Variants in FANCA observed in about 807,000 individuals in gnomAD.
FANCA encodes the protein Fanconi anemia group A protein.
FANCA carries 236 observed loss-of-function variants against 194.3 expected under a neutral mutation model. The observed-to-expected ratio is 1.21, with a 90% CI of 1.09 to 1.35. The LOEUF is 1.35. Among genes scored for constraint, FANCA ranks in the 40% most tolerant of loss-of-function variants. The pLI, the probability that FANCA is intolerant of heterozygous loss-of-function variation, is 0.00. For missense variants in FANCA, 2,628 were observed against 1,813.9 expected, an observed-to-expected ratio of 1.45 and a Z score of -8.15; for synonymous variants, 1,014 against 715.8, an observed-to-expected ratio of 1.42 and a Z score of -6.65.
At chr16:89,805,155 A>G (rs1000641480) in intron 7 of FANCA, 125 bp downstream of exon 7, 11 of 741,554 alleles carry the variant, frequency 1.5e-5, no homozygotes, top group African/African-American at 1.0e-4. Flanking sequence ...GGAGTCTGTC[A>G]TGCCAGGTTC....
In FANCA at chr16:89,782,865, A is replaced by C; in HGVS notation, c.1620T>G (p.Ile540Met). Residue 540 changes from isoleucine to methionine, a missense_variant, in exon 17 of 43, where the codon ATT becomes ATG. Ile to Met is a conservative substitution (Grantham distance 10, BLOSUM62 1). Coordinates refer to ENST00000389301, the MANE Select transcript of FANCA (RefSeq NM_000135.4). The stretch of plus-strand genomic sequence containing the variant: ...AGGGCTCAAGCAACATTACCTCAGT[A>C]ATGTCCCCAGCTGATGACAAATCCT... The part of the protein sequence containing the change: ...LYEDLSSAGD[I>M]TEPHSQALQD... 5 of 1,613,822 alleles carry C rather than the reference A, an allele frequency of 3.1e-6. 1 individual carries two copies. The South Asian group carries it at 3.3e-5, about 11-fold the overall frequency.
Position 89,749,870 on chromosome 16 carries a change from G to T in FANCA, c.3099C>A (p.Asp1033Glu), listed in dbSNP as rs139289675. Residue 1033 changes from aspartate (D) to glutamate (E), a missense_variant, in exon 32 of 43, where the codon GAC (aspartate) becomes GAA (glutamate). Physicochemically the swap from Asp to Glu is conservative, Grantham distance 45. Coordinates refer to ENST00000389301, the MANE Select transcript of FANCA (RefSeq NM_000135.4). ...GGGTGTGGCCGAGAGGCACTATGAG[G>T]TCTTGCTGCAGCTCCAGGTCAGCTA... ...EMVADLELQQ[D>E]LIVPLGHTPS... The T allele has an allele frequency of 1.2e-4, 198 of 1,614,220 alleles. 1 individual carries two copies. Among genetic ancestry groups the T allele is most frequent in the Middle Eastern group, 8.3e-4 (5 of 6,058 alleles).
chr16:89,799,155 C>T lies in FANCA; in HGVS notation c.893+11G>A, dbSNP rs201251161. ...GCTGCACACTCAGGCAGGCCACCCT[C>T]AGGAACATACCAGCACCTCACGATC... On this transcript the variant is annotated intron_variant, in intron 10 of 42. Transcript: ENST00000389301. 1.2e-6 allele frequency: 2 copies of T among 1,614,102 alleles called. No individual in the cohort carries two copies. The highest frequency in any genetic ancestry group is 1.7e-6 in the Non-Finnish European group (2 of 1,180,060).
rs147291147 is a variant in FANCA at position 89,814,162 on chromosome 16, G to T, written c.283+358C>A. On this transcript the variant is annotated intron_variant, in intron 3 of 42. Coordinates refer to ENST00000389301, the MANE Select transcript of FANCA (RefSeq NM_000135.4). ...TCCCACTCTCAAACTGGGGGGAGAA[G>T]GAGGTACCTAGAAAATTGTTCTCCC... Among the ~76,000 whole-genome samples the T allele has an allele frequency of 2.8e-3, 421 of 152,272 alleles. 1 individual carries two copies. The highest frequency in any genetic ancestry group is 9.8e-3 in the African/African-American group (409 of 41,556).
chr16:89,808,254 C>A (rs774070218), intron 6 of FANCA, 40 bp downstream of exon 6: 3 of 1,585,448 alleles, frequency 1.9e-6, no homozygotes, highest in East Asian at 4.5e-5. Context: ...CTAGACTAGA[C>A]TGCAAAAACA....
At chr16:89,808,157 A>G (rs2040735648) in intron 6 of FANCA, 137 bp downstream of exon 6, 8 of 789,672 alleles carry the variant, frequency 1.0e-5, no homozygotes, top group Non-Finnish European at 1.8e-5. Context: ...TAGTATAAAT[A>G]TGCAATGCAA....
intron 2 of FANCA, among the ~76,000 whole-genome samples, chr16:89,814,948 AT>A (rs1458522491): frequency 7.9e-5 from 12 of 152,222 alleles, no homozygotes; most frequent in African/African-American, 2.2e-4. Context: ...CTCAAAAAAA[AT>A]AAATGAAAAT....
At chr16:89,749,390 A>AT (rs909155994) in intron 32 of FANCA, among the ~76,000 whole-genome samples, 36 of 151,714 alleles carry the variant, frequency 2.4e-4, no homozygotes, top group African/African-American at 8.2e-4. Context: ...ATTTTTTTGT[A>AT]TTTTTTTTGT....
chr16:89,811,421 C>T (rs563517546), intron 3 of FANCA, among the ~76,000 whole-genome samples: 15 of 152,218 alleles, frequency 9.9e-5, no homozygotes, highest in Non-Finnish European at 1.9e-4. Flanking sequence ...CAGGCTCTTT[C>T]AATTACATTG....
intron 23 of FANCA, 115 bp from the exon 24 acceptor site, chr16:89,770,749 A>C: frequency 1.1e-6 from 1 of 905,120 alleles, no homozygotes; most frequent in East Asian, 2.6e-5. Flanking sequence ...AAAGACCTCC[A>C]AAACAGGCTT....
At chr16:89,758,167 G>A (rs1246615002) in intron 30 of FANCA, among the ~76,000 whole-genome samples, 1 of 152,132 alleles carries the variant, frequency 6.6e-6, no homozygotes, top group Non-Finnish European at 1.5e-5. Flanking sequence ...CGAAGTTGTC[G>A]CTTCTGACAA....
chr16:89,765,262 G>A (rs1167661367), intron 27 of FANCA, among the ~76,000 whole-genome samples, 196 bp from the exon 28 acceptor site: 1 of 151,352 alleles, frequency 6.6e-6, no homozygotes, highest in African/African-American at 2.4e-5. Flanking sequence ...CCCTGGGAGG[G>A]CACAACACAC....
At chr16:89,752,436 AT>A (rs1220876672) in intron 30 of FANCA, among the ~76,000 whole-genome samples, 1 of 152,250 alleles carries the variant, frequency 6.6e-6, no homozygotes, top group African/African-American at 2.4e-5. Context: ...AAGGAGGCTT[AT>A]CCCAAGAATG....
rs1160032680 is a variant in FANCA, at chr16:89,798,312, C to T, written c.893+854G>A. ...GCCGTCCACACCGCAGTCTCTGGCA[C>T]TTTGTTACAGCAGCCCAAGCTAACT... On this transcript the variant is annotated intron_variant, in intron 10 of 42. Coordinates refer to ENST00000389301, the MANE Select transcript of FANCA (RefSeq NM_000135.4). The T allele has an allele frequency of 8.8e-6, 9 of 1,019,712 alleles. No homozygotes were observed. In the African/African-American group the frequency reaches 1.4e-4, roughly 16 times the overall value. 63.2% of individuals were successfully genotyped at this position (1,019,712 alleles called of 1,614,324 possible). A position where few individuals can be genotyped will look rare whatever the true frequency, so the allele number is the denominator to read the frequency against.
intron 6 of FANCA, among the ~76,000 whole-genome samples, chr16:89,807,890 A>C (rs1047720508): frequency 6.6e-6 from 1 of 151,084 alleles, no homozygotes; most frequent in African/African-American, 2.4e-5. Context: ...CCCTAAAAAA[A>C]ATAAATACAT....
intron 14 of FANCA, 149 bp from the exon 15 acceptor site, chr16:89,785,113 G>A (rs1209772866): frequency 4.2e-6 from 3 of 712,662 alleles, no homozygotes; most frequent in Non-Finnish European, 7.6e-6. Flanking sequence ...AGAGAAGAGT[G>A]TGAAGCCCAC....
intron 1 of FANCA, 106 bp from the exon 2 acceptor site, chr16:89,816,092 C>A (rs773532455): frequency 1.2e-6 from 1 of 828,850 alleles, no homozygotes; most frequent in Admixed American, 1.9e-5. Context: ...GCGACACCCT[C>A]CCGAAGAGGG....
At chr16:89,743,764 G>C (rs951373759) in intron 36 of FANCA, among the ~76,000 whole-genome samples, 2 of 152,034 alleles carry the variant, frequency 1.3e-5, no homozygotes, top group African/African-American at 4.8e-5. Flanking sequence ...CGGAGGTCAT[G>C]GTGAGCCGAG....
chr16:89,757,574 C>T (rs1350809883), intron 30 of FANCA, among the ~76,000 whole-genome samples: 6 of 152,148 alleles, frequency 3.9e-5, no homozygotes, highest in Admixed American at 1.3e-4. Flanking sequence ...TCGTGGTTGC[C>T]GCAGGCAGGA....
Sources: allele counts gnomAD v4.1 joint callset (sites outside exome capture counted in the v4.1 genomes callset), GRCh38; gene constraint gnomAD v4.1.1; transcripts MANE v1.5; gene names NCBI Gene and HGNC (gene_info 2026-07-23, HGNC 2026-07-21).